CCSER1: variants seen among roughly 807,000 people sequenced by gnomAD.
CCSER1 encodes coiled-coil serine rich protein 1.
A neutral mutation model predicts 82.0 loss-of-function variants in CCSER1; 41 were observed. That is an observed-to-expected ratio of 0.50 (90% confidence interval 0.39 to 0.65). The LOEUF is 0.65. CCSER1 is among the 30% of genes least tolerant of loss of function. The pLI is 0.00. For missense variants in CCSER1, 1,119 were observed against 1,064.2 expected (o/e 1.05, Z -0.72); for synonymous variants, 414 against 383.9 (o/e 1.08, Z -0.92).
intron 4 of CCSER1, among the ~76,000 whole-genome samples, chr4:90,443,320 T>A (rs370994335): frequency 3.9e-4 from 60 of 152,234 alleles, no homozygotes; most frequent in African/African-American, 1.4e-3. Context: ...CATTATTAAG[T>A]AAAATAAGGG....
chr4:91,438,496 C>T (rs1483745640), intron 10 of CCSER1, among the ~76,000 whole-genome samples: 1 of 152,022 alleles, frequency 6.6e-6, no homozygotes, highest in African/African-American at 2.4e-5. Context: ...TCACCATCAT[C>T]AAAGACCAAA....
intron 5 of CCSER1, among the ~76,000 whole-genome samples, chr4:90,479,487 A>G (rs1765591074): frequency 1.3e-5 from 2 of 151,980 alleles, no homozygotes; most frequent in Admixed American, 1.3e-4. Context: ...TTAACTCATC[A>G]TTTACATTAG....
intron 4 of CCSER1, among the ~76,000 whole-genome samples, chr4:90,400,712 A>C (rs960704436): frequency 6.6e-6 from 1 of 152,184 alleles, no homozygotes; most frequent in African/African-American, 2.4e-5. Flanking sequence ...TAATGGCTTA[A>C]ATTTATATTA....
At chr4:90,573,601 G>A (rs1000676206) in intron 5 of CCSER1, among the ~76,000 whole-genome samples, 39 of 152,170 alleles carry the variant, frequency 2.6e-4, no homozygotes, top group Admixed American at 2.2e-3. Context: ...TGATCTCTAA[G>A]TTGGTTTCTG....
chr4:91,074,860 T>C (rs1460447037), intron 9 of CCSER1, among the ~76,000 whole-genome samples: 1 of 152,162 alleles, frequency 6.6e-6, no homozygotes, highest in Admixed American at 6.6e-5. Flanking sequence ...AGAAAAACTG[T>C]CACAACGAAA....
At chr4:90,388,601 C>T (rs144277061) in intron 3 of CCSER1, among the ~76,000 whole-genome samples, 2,229 of 151,166 alleles carry the variant, frequency 0.015, 76 homozygotes, top group African/African-American at 0.051. Context: ...TGAGCCACCA[C>T]GCCCGGCCCA....
chr4:91,288,154 A>G (rs1442318620), intron 10 of CCSER1, among the ~76,000 whole-genome samples: 1 of 110,320 alleles, frequency 9.1e-6, no homozygotes, highest in Admixed American at 9.1e-5. Flanking sequence ...ACTCGTATAT[A>G]TATATATACA....
intron 5 of CCSER1, among the ~76,000 whole-genome samples, chr4:90,490,165 A>G (rs898496334): frequency 6.6e-6 from 1 of 152,102 alleles, no homozygotes; most frequent in African/African-American, 2.4e-5. Flanking sequence ...CTATTTCTCC[A>G]CATCCTCTCC....
chr4:90,487,715 G>A (rs905275984), intron 5 of CCSER1, among the ~76,000 whole-genome samples: 5 of 151,882 alleles, frequency 3.3e-5, no homozygotes, highest in Admixed American at 6.6e-5. Flanking sequence ...GCACAATCTC[G>A]GCTCACTGCA....
chr4:90,271,287 C>A (rs1186150631), intron 1 of CCSER1, among the ~76,000 whole-genome samples: 2 of 151,988 alleles, frequency 1.3e-5, no homozygotes, highest in Non-Finnish European at 1.5e-5. Flanking sequence ...GTGCAAAAAT[C>A]AGACATATAG....
chr4:91,592,227 C>T (rs1764301861), intron 10 of CCSER1, among the ~76,000 whole-genome samples: 1 of 152,116 alleles, frequency 6.6e-6, no homozygotes, highest in Non-Finnish European at 1.5e-5. Flanking sequence ...CATATGATGG[C>T]AGGAAGAATT....
chr4:90,808,863 A>G (rs1580576183), intron 7 of CCSER1, among the ~76,000 whole-genome samples: 1 of 152,238 alleles, frequency 6.6e-6, no homozygotes, highest in East Asian at 1.9e-4. Flanking sequence ...TACCTCTATT[A>G]TTAAATTCAG....
intron 10 of CCSER1, among the ~76,000 whole-genome samples, chr4:91,158,077 G>C (rs1201354675): frequency 6.6e-6 from 1 of 151,940 alleles, no homozygotes; most frequent in African/African-American, 2.4e-5. Context: ...TTTGTGATTT[G>C]AAAGGATTTG....
chr4:91,399,692 T>C (rs1388570959), intron 10 of CCSER1, among the ~76,000 whole-genome samples: 3 of 151,980 alleles, frequency 2.0e-5, no homozygotes, highest in South Asian at 4.1e-4. Context: ...TCCAATTCTC[T>C]CTTCTTTTGT....
intron 1 of CCSER1, among the ~76,000 whole-genome samples, chr4:90,230,617 A>G (rs1744292133): frequency 6.6e-6 from 1 of 151,104 alleles, no homozygotes; most frequent in Admixed American, 6.6e-5. Flanking sequence ...GAAATAACTA[A>G]AATCAGAGCA....
At chr4:91,061,840 T>C (rs1743983977) in intron 9 of CCSER1, among the ~76,000 whole-genome samples, 2 of 152,102 alleles carry the variant, frequency 1.3e-5, no homozygotes, top group East Asian at 1.9e-4. Flanking sequence ...GACAAGTCCC[T>C]AGAACATGGT....
chr4:91,271,928 A>G (rs1742068695), intron 10 of CCSER1, among the ~76,000 whole-genome samples: 1 of 151,940 alleles, frequency 6.6e-6, no homozygotes, highest in South Asian at 2.1e-4. Flanking sequence ...CTAATTTTGT[A>G]TTTTTAGTAA....
At chr4:91,042,856 T>C (rs2150581148) in intron 9 of CCSER1, among the ~76,000 whole-genome samples, 1 of 152,242 alleles carries the variant, frequency 6.6e-6, no homozygotes, top group African/African-American at 2.4e-5. Context: ...GCTAGCAAAG[T>C]ATTCTTGAAA....
intron 5 of CCSER1, among the ~76,000 whole-genome samples, chr4:90,593,960 A>G (rs1048175287): frequency 4.6e-5 from 7 of 152,046 alleles, no homozygotes; most frequent in African/African-American, 1.4e-4. Flanking sequence ...GGTCAATTAT[A>G]TAACTGCAGA....
Sources: gnomAD v4.1 joint callset for allele counts (sites outside exome capture counted in the v4.1 genomes callset) on GRCh38, gnomAD v4.1.1 for gene constraint, MANE v1.5 for transcripts, NCBI Gene and HGNC (gene_info 2026-07-23, HGNC 2026-07-21) for gene names.